The following SNX15 variants were observed in gnomAD, a reference collection of about 807,000 sequenced individuals.
SNX15 encodes the protein sorting nexin 15.
In SNX15, 29 loss-of-function variants were observed where a neutral mutation model predicts 35.2. The ratio of observed to expected loss-of-function variants is 0.82; its 90% CI spans 0.61 to 1.12. SNX15 has a LOEUF of 1.12. Among genes scored for constraint, SNX15 ranks in the 50% most tolerant of loss-of-function variants. The pLI is 0.00. For synonymous variants in SNX15, 189 were observed against 188.2 expected (o/e 1.00, Z -0.03); for missense variants, 400 against 451.5 (o/e 0.89, Z 1.03).
rs576985248 is a variant in SNX15, at chr11:65,038,508, G to C, written c.665-64G>C. 98 of 1,495,430 alleles carry C rather than the reference G, an allele frequency of 6.6e-5. No individual in the cohort carries two copies. In the East Asian group the frequency reaches 2.3e-3, roughly 35 times the overall value. 92.6% of individuals were successfully genotyped at this position (1,495,430 alleles called of 1,614,324 possible). ...CCTGATGGACAAAAGAAGTCTTGGGGTTGGGCAGAGGGCCTGGGAAAGGAA... is the reference window on the plus strand; with the variant it reads ...CCTGATGGACAAAAGAAGTCTTGGGCTTGGGCAGAGGGCCTGGGAAAGGAA... On this transcript the variant is annotated intron_variant, in intron 6 of 7. Coordinates refer to ENST00000377244, the MANE Select transcript of SNX15 (RefSeq NM_013306.5).
chr11:65,038,930 A>C (rs1371273766), intron 7 of SNX15, 101 bp downstream of exon 7: 1 of 968,518 alleles, frequency 1.0e-6, no homozygotes, highest in East Asian at 2.9e-5. Context: ...GAGCCCTTTT[A>C]CTCCTCACTG....
chr11:65,039,984 CACTT>C lies in SNX15; in HGVS notation c.*193_*196del, dbSNP rs1240619808. 1.2e-5 allele frequency: 6 copies of C among 518,188 alleles called. No individual in the cohort carries two copies. Among genetic ancestry groups the C allele is most frequent in the Non-Finnish European group, 2.1e-5 (6 of 284,836 alleles). 32.1% of individuals were successfully genotyped at this position (518,188 alleles called of 1,614,324 possible). On this transcript the variant is annotated 3_prime_UTR_variant, in exon 8 of 8. Coordinates refer to ENST00000377244, the MANE Select transcript of SNX15 (RefSeq NM_013306.5). ...CTGCCACCTTGGAATCAAGGACTCA[CACTT>C]CTGACCCTGCCTGTCTTTTTGGGGT...
chr11:65,027,564 C>A lies in SNX15; in HGVS notation c.27C>A (p.Phe9Leu). Residue 9 changes from phenylalanine (F) to leucine (L), a missense_variant, in exon 1 of 8, where the codon TTC becomes TTA. Coordinates refer to ENST00000377244, the MANE Select transcript of SNX15 (RefSeq NM_013306.5). ...TGTCCCGCCAGGCGAAGGATGACTTCCTGCGGCACTACACAGTGTCGGACC... is the reference window on the plus strand; with the variant it reads ...TGTCCCGCCAGGCGAAGGATGACTTACTGCGGCACTACACAGTGTCGGACC... MSRQAKDD[F>L]LRHYTVSDPR... is the part of the protein sequence containing the mutation. The A allele has an allele frequency of 6.2e-7, 1 of 1,614,084 alleles. No homozygotes were observed. The highest frequency in any genetic ancestry group is 8.5e-7 in the Non-Finnish European group (1 of 1,180,010).
chr11:65,030,708 G>A (rs1025274205), intron 1 of SNX15, among the ~76,000 whole-genome samples: 32 of 151,886 alleles, frequency 2.1e-4, no homozygotes, highest in Admixed American at 2.1e-3. Context: ...CATGTTGGTT[G>A]GCCAGGCTGG....
At chr11:65,035,296 A>G in intron 5 of SNX15, 90 bp downstream of exon 5, 1 of 1,332,458 alleles carries the variant, frequency 7.5e-7, no homozygotes, top group South Asian at 1.5e-5. Flanking sequence ...TTACTGAGAA[A>G]TGTGTGTGTG....
At chr11:65,028,952 G>A (rs1173567947) in intron 1 of SNX15, among the ~76,000 whole-genome samples, 6 of 151,862 alleles carry the variant, frequency 4.0e-5, no homozygotes, top group African/African-American at 1.4e-4. Flanking sequence ...ACTTACGGGC[G>A]TGGCAGCGTG....
chr11:65,032,686 G>T lies in SNX15; in HGVS notation c.256+135G>T, dbSNP rs1280918317. On this transcript the variant is annotated intron_variant, in intron 3 of 7. Transcript: ENST00000377244. ...CATGTTTGGAAGGGCCCTTAGAGAT[G>T]ACCTCATTTGACAGATGGGGAAACT... 1.2e-5 allele frequency: 12 copies of T among 992,066 alleles called. No individual in the cohort carries two copies. In the East Asian group the frequency reaches 2.7e-4, roughly 23 times the overall value. 61.5% of individuals were successfully genotyped at this position (992,066 alleles called of 1,614,324 possible).
intron 1 of SNX15, among the ~76,000 whole-genome samples, chr11:65,028,406 C>T (rs1946398874): frequency 6.6e-6 from 1 of 152,186 alleles, no homozygotes; most frequent in African/African-American, 2.4e-5. Flanking sequence ...TAAGCTGGTG[C>T]ATTAGTTAAC....
At chr11:65,032,038 G>T in intron 1 of SNX15, 130 bp from the exon 2 acceptor site, 1 of 816,232 alleles carries the variant, frequency 1.2e-6, no homozygotes, top group South Asian at 1.6e-5. Flanking sequence ...AGGGTGCCTT[G>T]ATGCCAGAGG....
chr11:65,035,173 GA>G lies in SNX15; in HGVS notation c.490del (p.Arg164GlyfsTer106). On this transcript the variant is annotated frameshift_variant, in exon 5 of 8. Transcript: ENST00000377244. LOFTEE classifies it high-confidence loss of function. ...DPRLSQLLPAERRGLEELEVP... is the reference protein window; with the variant it reads ...DPRLSQLLPAXRRGLEELEVP... ...CCGGCTATCCCAACTGCTCCCTGCAGAAAGGAGGGGCCTCGAGGAATTGGAG... is the reference window on the plus strand; with the variant it reads ...CCGGCTATCCCAACTGCTCCCTGCAGAAGGAGGGGCCTCGAGGAATTGGAG... 6.3e-7 allele frequency: 1 copy of G among 1,590,246 alleles called. No homozygotes were observed. Among genetic ancestry groups the G allele is most frequent in the South Asian group, 1.1e-5 (1 of 87,902 alleles).
At chr11:65,038,534 G>A in intron 6 of SNX15, 38 bp from the exon 7 acceptor site, 1 of 1,503,006 alleles carries the variant, frequency 6.7e-7, no homozygotes, top group Non-Finnish European at 8.9e-7. Flanking sequence ...GGGAAAGGAA[G>A]GGCCAGTCTG....
At position 65,032,663 on chromosome 11, in the gene SNX15, T is replaced by C. The variant is rs1946454446; in HGVS notation, c.256+112T>C. Reference sequence around the variant, plus strand: ...GGGCCTGAAACCCTGGGCAGAGTCATGTTTGGAAGGGCCCTTAGAGATGAC... The same window carrying C: ...GGGCCTGAAACCCTGGGCAGAGTCACGTTTGGAAGGGCCCTTAGAGATGAC... On this transcript the variant is annotated intron_variant, in intron 3 of 7. Transcript: ENST00000377244. The C allele has an allele frequency of 4.5e-6, 6 of 1,336,798 alleles. No homozygotes were observed. In the East Asian group the frequency reaches 1.2e-4, roughly 26 times the overall value. 82.8% of individuals were successfully genotyped at this position (1,336,798 alleles called of 1,614,324 possible). A position where few individuals can be genotyped will look rare whatever the true frequency, so the allele number is the denominator to read the frequency against.
At chr11:65,029,051 A>T (rs1946408228) in intron 1 of SNX15, among the ~76,000 whole-genome samples, 1 of 151,982 alleles carries the variant, frequency 6.6e-6, no homozygotes, top group Non-Finnish European at 1.5e-5. Context: ...AGATTGTGCC[A>T]CTGCACTCCA....
intron 2 of SNX15, 72 bp downstream of exon 2, chr11:65,032,275 ACT>A: frequency 1.3e-6 from 2 of 1,576,030 alleles, no homozygotes; most frequent in Non-Finnish European, 8.7e-7. Context: ...GCAGCTGGTA[ACT>A]CTGCTTGGAC....
intron 1 of SNX15, among the ~76,000 whole-genome samples, chr11:65,029,931 C>T (rs1161643622): frequency 2.0e-5 from 3 of 151,982 alleles, no homozygotes; most frequent in East Asian, 1.9e-4. Context: ...CTGTCACCCA[C>T]GCTGGTGTGC....
chr11:65,029,039 C>T (rs1332614515), intron 1 of SNX15, among the ~76,000 whole-genome samples: 1 of 151,614 alleles, frequency 6.6e-6, no homozygotes, highest in South Asian at 2.1e-4. Flanking sequence ...TGCAGTGAGC[C>T]GAGATTGTGC....
At chr11:65,028,422 A>T (rs1946399050) in intron 1 of SNX15, among the ~76,000 whole-genome samples, 1 of 152,224 alleles carries the variant, frequency 6.6e-6, no homozygotes, top group Admixed American at 6.5e-5. Context: ...TTAACTCTAA[A>T]AGCAAAGCAG....
In SNX15 at chr11:65,035,151, G is replaced by C; in HGVS notation, c.465G>C (p.Arg155=). The change falls in exon 5 of 8, where the codon CGG becomes CGC. Residue 155 remains arginine (R), a synonymous_variant. Transcript: ENST00000377244. ...CCACCCCGCCCCCTGATGACCCCCG[G>C]CTATCCCAACTGCTCCCTGCAGAAA... ...LIPTPPPDDP[R]LSQLLPAERR... 6.3e-7 allele frequency: 1 copy of C among 1,590,870 alleles called. No homozygotes were observed. Among genetic ancestry groups the C allele is most frequent in the Non-Finnish European group, 8.5e-7 (1 of 1,169,718 alleles).
chr11:65,035,781 A>G (rs1438239803), intron 6 of SNX15, 118 bp downstream of exon 6: 2 of 1,100,684 alleles, frequency 1.8e-6, no homozygotes, highest in Non-Finnish European at 2.6e-6. Context: ...ACGTCTCCTC[A>G]GCAGTGCTGC....
Sources: gnomAD v4.1 joint callset for allele counts (sites outside exome capture counted in the v4.1 genomes callset) on GRCh38, gnomAD v4.1.1 for gene constraint, MANE v1.5 for transcripts, NCBI Gene and HGNC (gene_info 2026-07-23, HGNC 2026-07-21) for gene names.